The following SHC4 variants were observed in gnomAD, a reference collection of about 807,000 sequenced individuals.
SHC4 encodes SHC-transforming protein 4.
A neutral mutation model predicts 69.4 loss-of-function variants in SHC4; 41 were observed. The ratio of observed to expected loss-of-function variants is 0.59; its 90% confidence interval spans 0.46 to 0.77. SHC4 has a LOEUF of 0.77. Ranked by LOEUF, SHC4 falls within the 30% of genes least tolerant of loss-of-function variation. The probability of loss-of-function intolerance (pLI) is 0.00; values close to 1 mark genes in which losing one functional copy is unlikely to be tolerated. For missense variants in SHC4, 777 were observed against 783.8 expected, an observed-to-expected ratio of 0.99 and a Z score of 0.10; for synonymous variants, 318 against 299.3, an observed-to-expected ratio of 1.06 and a Z score of -0.64.
intron 4 of SHC4, among the ~76,000 whole-genome samples, chr15:48,875,354 C>T (rs2140996110): frequency 6.6e-6 from 1 of 152,346 alleles, no homozygotes; most frequent in Admixed American, 6.5e-5. Context: ...TGTGTTTGCA[C>T]TGAGAGCATC....
chr15:48,937,992 T>G (rs1901104833), intron 1 of SHC4, among the ~76,000 whole-genome samples: 1 of 152,224 alleles, frequency 6.6e-6, no homozygotes, highest in Non-Finnish European at 1.5e-5. Flanking sequence ...CCAAGTCTTT[T>G]GCGGGGAGGA....
intron 9 of SHC4, among the ~76,000 whole-genome samples, chr15:48,847,970 C>T (rs1046837083): frequency 6.7e-6 from 1 of 149,516 alleles, no homozygotes; most frequent in African/African-American, 2.5e-5. Flanking sequence ...CCATTGCACT[C>T]CAGCCCGAGC....
At chr15:48,826,253 C>CT (rs34570376) in intron 11 of SHC4, 127 bp from the exon 12 acceptor site, 46,062 of 635,196 alleles carry the variant, frequency 0.073, 9 homozygotes, top group East Asian at 0.1. Context: ...AGAAAAGGTA[C>CT]TTTTTTTTTT....
At chr15:48,903,038 T>C (rs1356304985) in intron 2 of SHC4, among the ~76,000 whole-genome samples, 1 of 152,206 alleles carries the variant, frequency 6.6e-6, no homozygotes, top group Non-Finnish European at 1.5e-5. Context: ...AGAGAATTTC[T>C]CATAAGAGAC....
At position 48,825,996 on chromosome 15, in the gene SHC4, G is replaced by T; in HGVS notation, c.1868C>A (p.Pro623Gln). The T allele has an allele frequency of 6.2e-7, 1 of 1,613,620 alleles. No homozygotes were observed. The highest frequency in any genetic ancestry group is 1.1e-5 in the South Asian group (1 of 90,994). The change falls in exon 12 of 12, where the codon CCA (proline) becomes CAA (glutamine). Residue 623 changes from proline to glutamine, a missense_variant. Pro to Gln is a moderately conservative substitution (Grantham distance 76). Coordinates refer to ENST00000332408, the MANE Select transcript of SHC4 (RefSeq NM_203349.4). ...TCATTTGTTGGAATGCAAAAGTGCT[G>T]GATTATTATCTTTTCTCACTGGTTG... Reference protein sequence around the residue: ...LKQPVRKDNNPALLHSNK With the variant: ...LKQPVRKDNNQALLHSNK
intron 4 of SHC4, among the ~76,000 whole-genome samples, chr15:48,880,852 T>G (rs1899925807): frequency 6.6e-6 from 1 of 152,158 alleles, no homozygotes; most frequent in African/African-American, 2.4e-5. Context: ...ACTACTTGGT[T>G]AAAATTTGGG....
chr15:48,835,148 G>C, intron 10 of SHC4, 126 bp from the exon 11 acceptor site: 1 of 1,223,368 alleles, frequency 8.2e-7, no homozygotes, highest in Non-Finnish European at 1.1e-6. Context: ...AAATAATACT[G>C]CTTGGGGAAC....
intron 2 of SHC4, among the ~76,000 whole-genome samples, chr15:48,918,684 T>C (rs895908294): frequency 6.6e-6 from 1 of 152,164 alleles, no homozygotes; most frequent in African/African-American, 2.4e-5. Flanking sequence ...CTTTCAGCAA[T>C]ATTTGAGCTC....
chr15:48,857,803 A>G lies in SHC4; in HGVS notation c.959T>C (p.Leu320Ser). 1.3e-6 allele frequency: 2 copies of G among 1,547,900 alleles called. No homozygotes were observed. The highest frequency in any genetic ancestry group is 1.7e-6 in the Non-Finnish European group (2 of 1,146,302). ...DPVNQRACHI[L>S]ECHNGMAQDV... ...TTGGGCCATTCCATTGTGGCATTCC[A>G]ATATGTGACAGGCTGCAAGAGGACA... The change falls in exon 7 of 12, where the codon TTG becomes TCG. Residue 320 changes from leucine to serine, a missense_variant. Leu to Ser is a moderately radical substitution (Grantham distance 145). Coordinates refer to ENST00000332408, the MANE Select transcript of SHC4 (RefSeq NM_203349.4).
At chr15:48,842,264 TG>T (rs1899006169) in intron 10 of SHC4, among the ~76,000 whole-genome samples, 2 of 152,238 alleles carry the variant, frequency 1.3e-5, no homozygotes, top group South Asian at 4.1e-4. Context: ...CTTATTTTAG[TG>T]CTTTATAGAT....
In SHC4 at chr15:48,962,443, G is replaced by T; in HGVS notation, c.573C>A (p.Asn191Lys). 1.3e-6 allele frequency: 2 copies of T among 1,521,532 alleles called. No homozygotes were observed. Among genetic ancestry groups the T allele is most frequent in the South Asian group, 1.3e-5 (1 of 75,440 alleles). 94.3% of individuals were successfully genotyped at this position (1,521,532 alleles called of 1,614,324 possible). A position where few individuals can be genotyped will look rare whatever the true frequency, so the allele number is the denominator to read the frequency against. ...FLQHLLGMGMNYCVRYMGCVE... is the reference protein window; with the variant it reads ...FLQHLLGMGMKYCVRYMGCVE... The stretch of plus-strand genomic sequence containing the variant: ...AAAATGGACTTACCCTCACACAGTA[G>T]TTCATGCCCATCCCCAACAGGTGCT... Residue 191 changes from asparagine (N) to lysine (K), a missense_variant, in exon 1 of 12, where the codon AAC becomes AAA. Transcript: ENST00000332408.
At chr15:48,828,538 T>C (rs1022328608) in intron 11 of SHC4, among the ~76,000 whole-genome samples, 1 of 152,216 alleles carries the variant, frequency 6.6e-6, no homozygotes, top group African/African-American at 2.4e-5. Context: ...TGCTAGATCA[T>C]ATGGTAGTTT....
chr15:48,924,760 C>A, intron 2 of SHC4, 119 bp downstream of exon 2: 1 of 1,019,692 alleles, frequency 9.8e-7, no homozygotes, highest in Non-Finnish European at 1.5e-6. Flanking sequence ...CTTCTACACT[C>A]CAGTCGCGTG....
chr15:48,901,566 T>C (rs952314555), intron 2 of SHC4, among the ~76,000 whole-genome samples: 1 of 152,230 alleles, frequency 6.6e-6, no homozygotes, highest in African/African-American at 2.4e-5. Context: ...TAAGTGATAC[T>C]ATGTACATGA....
chr15:48,897,403 C>G (rs968750243), intron 2 of SHC4, among the ~76,000 whole-genome samples: 10 of 152,056 alleles, frequency 6.6e-5, no homozygotes, highest in African/African-American at 2.4e-4. Context: ...ATCATCCAAA[C>G]AAAGCCACCT....
At chr15:48,837,072 G>A (rs1272340091) in intron 10 of SHC4, among the ~76,000 whole-genome samples, 1 of 152,214 alleles carries the variant, frequency 6.6e-6, no homozygotes, top group African/African-American at 2.4e-5. Flanking sequence ...TGGGAGGAAT[G>A]CATGCACGCA....
intron 3 of SHC4, among the ~76,000 whole-genome samples, chr15:48,890,443 T>C (rs1181891925): frequency 6.6e-6 from 1 of 152,014 alleles, no homozygotes; most frequent in Non-Finnish European, 1.5e-5. Context: ...AAGAACAGAG[T>C]CTCAGCAAGA....
intron 8 of SHC4, among the ~76,000 whole-genome samples, chr15:48,852,448 T>C (rs922890401): frequency 6.6e-6 from 1 of 152,184 alleles, no homozygotes; most frequent in Admixed American, 6.5e-5. Context: ...GGTATGTGAG[T>C]GTTCATTGTA....
In SHC4 at chr15:48,878,397, G is replaced by T. The variant is rs780651046; in HGVS notation, c.840+5851C>A. ...ATGGCGGCGCCAGAGGGGAAACGGAGCCTTGCTAACGGGCCCAACGCTGGG... is the reference window on the plus strand; with the variant it reads ...ATGGCGGCGCCAGAGGGGAAACGGATCCTTGCTAACGGGCCCAACGCTGGG... On this transcript the variant is annotated intron_variant, in intron 4 of 11. Coordinates refer to ENST00000332408, the MANE Select transcript of SHC4 (RefSeq NM_203349.4). 4.3e-6 allele frequency: 7 copies of T among 1,612,208 alleles called. No homozygotes were observed. In the South Asian group the frequency reaches 7.7e-5, roughly 18 times the overall value.
Sources: allele counts gnomAD v4.1 joint callset (sites outside exome capture counted in the v4.1 genomes callset), GRCh38; gene constraint gnomAD v4.1.1; transcripts MANE v1.5; gene names NCBI Gene and HGNC (gene_info 2026-07-23, HGNC 2026-07-21).